MAP7D1: variants seen among roughly 807,000 people sequenced by gnomAD.
MAP7D1 encodes the protein MAP7 domain-containing protein 1.
MAP7D1 carries 30 observed loss-of-function variants against 97.5 expected under a neutral mutation model. The observed-to-expected ratio is 0.31, with a 90% CI of 0.23 to 0.42. MAP7D1 has a LOEUF of 0.42. MAP7D1 is among the 10% of genes least tolerant of loss of function. The probability of loss-of-function intolerance (pLI) is 1.00; values close to 1 mark genes in which losing one functional copy is unlikely to be tolerated. For missense variants in MAP7D1, 1,184 were observed against 1,179.5 expected, an observed-to-expected ratio of 1.00 and a Z score of -0.06; for synonymous variants, 536 against 477.1, an observed-to-expected ratio of 1.12 and a Z score of -1.61.
At position 36,179,045 on chromosome 1, in the gene MAP7D1, GA is replaced by G; in HGVS notation, c.2130+21del. ...AGAAAGGTGTGCGGACCTGGGCGGG[GA>G]TTTGTGGGCGGGGCCTGGGCAGGGC... On this transcript the variant is annotated intron_variant, in intron 12 of 16. Coordinates refer to ENST00000474796, the MANE Select transcript of MAP7D1 (RefSeq NM_001388490.1). 1.6e-6 allele frequency: 1 copy of G among 622,736 alleles called. No individual in the cohort carries two copies. The highest frequency in any genetic ancestry group is 2.7e-6 in the Non-Finnish European group (1 of 368,230). The allele number at this position is 622,736 out of a possible 1,614,324, so 38.6% of individuals were successfully genotyped here. A position where few individuals can be genotyped will look rare whatever the true frequency, so the allele number is the denominator to read the frequency against.
At chr1:36,160,516 T>A (rs1273885575) in intron 1 of MAP7D1, among the ~76,000 whole-genome samples, 1 of 152,256 alleles carries the variant, frequency 6.6e-6, no homozygotes, top group Non-Finnish European at 1.5e-5. Flanking sequence ...TTGTCTCATT[T>A]GTTCCTCACC....
intron 1 of MAP7D1, among the ~76,000 whole-genome samples, chr1:36,170,254 C>T (rs1644522679): frequency 6.6e-6 from 1 of 152,186 alleles, no homozygotes; most frequent in African/African-American, 2.4e-5. Flanking sequence ...AGGATTCCTA[C>T]AATAGTCATG....
intron 1 of MAP7D1, among the ~76,000 whole-genome samples, chr1:36,170,600 C>A (rs1644528176): frequency 6.6e-6 from 1 of 152,240 alleles, no homozygotes; most frequent in African/African-American, 2.4e-5. Context: ...TCTGCCAACA[C>A]CTCTCCTCCT....
chr1:36,157,415 C>G (rs778221957), intron 1 of MAP7D1: 2 of 152,274 alleles, frequency 1.3e-5, no homozygotes, highest in Non-Finnish European at 2.9e-5. Flanking sequence ...ACCAAAGCTC[C>G]CCTCCCCTCC....
At position 36,176,201 on chromosome 1, in the gene MAP7D1, C is replaced by G; in HGVS notation, c.853C>G (p.Arg285Gly). The change falls in exon 7 of 17, where the codon CGC (arginine) becomes GGC (glycine). Residue 285 changes from arginine to glycine, a missense_variant and splice_region_variant. By Grantham distance (125) the Arg-to-Gly change is moderately radical (BLOSUM62 -2). Coordinates refer to ENST00000474796, the MANE Select transcript of MAP7D1 (RefSeq NM_001388490.1). The surrounding 1 kb of genome is among the most constrained non-coding windows in gnomAD (Gnocchi z 6.1). ...TTCGCCTGGCCTTCTACCCCCAGATCGCAGCCTGCAGCTGAGCGCATGGGA... is the reference window on the plus strand; with the variant it reads ...TTCGCCTGGCCTTCTACCCCCAGATGGCAGCCTGCAGCTGAGCGCATGGGA... ...ATLWNSPSRN[R>G]SLQLSAWESS... 4.4e-6 allele frequency: 7 copies of G among 1,606,294 alleles called. No homozygotes were observed. Among genetic ancestry groups the G allele is most frequent in the Non-Finnish European group, 5.9e-6 (7 of 1,178,822 alleles).
chr1:36,169,116 G>A (rs990943653), intron 1 of MAP7D1, among the ~76,000 whole-genome samples: 2 of 152,092 alleles, frequency 1.3e-5, no homozygotes, highest in Non-Finnish European at 2.9e-5. Context: ...GCTGGGCGTG[G>A]TGGCAGGTGC....
intron 1 of MAP7D1, among the ~76,000 whole-genome samples, chr1:36,163,214 G>C (rs1644435208): frequency 6.6e-6 from 1 of 152,134 alleles, no homozygotes; most frequent in South Asian, 2.1e-4. Context: ...TAGGAAGACA[G>C]GACTTTTTGA....
Position 36,171,046 on chromosome 1 carries a change from C to T in MAP7D1, c.122C>T (p.Ser41Leu). The change falls in exon 2 of 17, where the codon TCA (serine) becomes TTA (leucine). Residue 41 changes from serine (S) to leucine (L), a missense_variant. Coordinates refer to ENST00000474796, the MANE Select transcript of MAP7D1 (RefSeq NM_001388490.1). The part of the protein sequence containing the change: ...GDPSPPPPPM[S>L]ALVPDTPPDT... ...CCTTCCCCCCCACCACCACCAATGT[C>T]AGCCCTGGTCCCCGACACTCCCCCG... 1 of 1,452,138 alleles carries T rather than the reference C, an allele frequency of 6.9e-7. No individual in the cohort carries two copies. Among genetic ancestry groups the T allele is most frequent in the Non-Finnish European group, 9.3e-7 (1 of 1,075,908 alleles). The allele number at this position is 1,452,138 out of a possible 1,614,324, so 90.0% of individuals were successfully genotyped here.
Position 36,179,028 on chromosome 1 carries a change from G to T in MAP7D1, c.2130+3G>T. 1 of 1,552,018 alleles carries T rather than the reference G, an allele frequency of 6.4e-7. No individual in the cohort carries two copies. The highest frequency in any genetic ancestry group is 8.7e-7 in the Non-Finnish European group (1 of 1,147,858). ...AAGAGCGGCAAGAGCGCAGAAAGGT[G>T]TGCGGACCTGGGCGGGGATTTGTGG... is the stretch of plus-strand genomic sequence containing the variant. On this transcript the variant is annotated splice_donor_region_variant and intron_variant, in intron 12 of 16. Coordinates refer to ENST00000474796, the MANE Select transcript of MAP7D1 (RefSeq NM_001388490.1).
chr1:36,179,359 G>A (rs755546589), intron 13 of MAP7D1, 44 bp downstream of exon 13: 19 of 1,609,756 alleles, frequency 1.2e-5, no homozygotes, highest in Non-Finnish European at 1.4e-5. Context: ...GGGGGGCAGG[G>A]TGTGAAAAGG....
chr1:36,168,103 T>G (rs748656103), intron 1 of MAP7D1, among the ~76,000 whole-genome samples: 7 of 152,112 alleles, frequency 4.6e-5, no homozygotes, highest in Non-Finnish European at 7.3e-5. Flanking sequence ...GAGACCAGCC[T>G]GGCCAACATG....
At position 36,180,468 on chromosome 1, in the gene MAP7D1, G is replaced by C. The variant is rs954503493; in HGVS notation, c.*210G>C. 1 of 641,792 alleles carries C rather than the reference G, an allele frequency of 1.6e-6. No individual in the cohort carries two copies. The highest frequency in any genetic ancestry group is 2.8e-6 in the Non-Finnish European group (1 of 363,374). The allele number at this position is 641,792 out of a possible 1,614,324, so 39.8% of individuals were successfully genotyped here. On this transcript the variant is annotated 3_prime_UTR_variant, in exon 17 of 17. Coordinates refer to ENST00000474796, the MANE Select transcript of MAP7D1 (RefSeq NM_001388490.1). ...CCTCAGTGCATTCGTGTGCTCGCAC[G>C]CGCAGACATCCCTTCTCCCCCATAC... is the stretch of plus-strand genomic sequence containing the variant.
At chr1:36,160,908 T>TG (rs1276883699) in intron 1 of MAP7D1, among the ~76,000 whole-genome samples, 6 of 152,182 alleles carry the variant, frequency 3.9e-5, no homozygotes, top group Admixed American at 6.5e-5. Context: ...ATAGTCCAGC[T>TG]GGGGGGGCAT....
At chr1:36,180,171 C>A in intron 16 of MAP7D1, 77 bp from the exon 17 acceptor site, 1 of 1,610,882 alleles carries the variant, frequency 6.2e-7, no homozygotes, top group Non-Finnish European at 8.5e-7. Flanking sequence ...CCCTCTCCTG[C>A]TCCACCCTGA....
At chr1:36,175,306 AC>A (rs1351216374) in intron 6 of MAP7D1, among the ~76,000 whole-genome samples, 1 of 152,208 alleles carries the variant, frequency 6.6e-6, no homozygotes, top group Non-Finnish European at 1.5e-5. Flanking sequence ...GGGGGTGGGG[AC>A]AGGCAGGCAG....
rs1362711332 is a variant in MAP7D1, at chr1:36,174,989, C to G, written c.831C>G (p.Leu277=). ...NKRLSKSSAT[L]WNSPSRNRSL... ...GGCTCTCAAAGTCCTCTGCCACGCT[C>G]TGGAACTCCCCCAGTAGAAGTAAGA... Residue 277 remains leucine, a synonymous_variant, in exon 6 of 17, where the codon CTC becomes CTG. Coordinates refer to ENST00000474796, the MANE Select transcript of MAP7D1 (RefSeq NM_001388490.1). The G allele has an allele frequency of 6.2e-7, 1 of 1,613,542 alleles. No individual in the cohort carries two copies. The highest frequency in any genetic ancestry group is 8.5e-7 in the Non-Finnish European group (1 of 1,179,492).
rs1445492001 is a variant in MAP7D1, at chr1:36,178,589, A to G, written c.1879A>G (p.Arg627Gly). The change falls in exon 10 of 17, where the codon AGG becomes GGG. Residue 627 changes from arginine (R) to glycine (G), a missense_variant. Physicochemically the swap from Arg to Gly is moderately radical, Grantham distance 125. Coordinates refer to ENST00000474796, the MANE Select transcript of MAP7D1 (RefSeq NM_001388490.1). Reference protein sequence around the residue: ...EEQERRLQAERDKRMREEQLA... With the variant: ...EEQERRLQAEGDKRMREEQLA... Reference sequence around the variant, plus strand: ...GCAGGAGCGGAGGCTGCAGGCAGAAAGGGACAAGTGAGTGCGCCTCGGGGA... The same window carrying G: ...GCAGGAGCGGAGGCTGCAGGCAGAAGGGGACAAGTGAGTGCGCCTCGGGGA... 6.3e-7 allele frequency: 1 copy of G among 1,581,278 alleles called. No individual in the cohort carries two copies. Among genetic ancestry groups the G allele is most frequent in the Non-Finnish European group, 8.6e-7 (1 of 1,166,372 alleles).
At position 36,159,321 on chromosome 1, in the gene MAP7D1, G is replaced by T. The variant is rs560507010; in HGVS notation, c.46+2858G>T. Among the ~76,000 whole-genome samples the T allele has an allele frequency of 6.6e-6, 1 of 152,292 alleles. No individual in the cohort carries two copies. Among genetic ancestry groups the T allele is most frequent in the Admixed American group, 6.5e-5 (1 of 15,294 alleles). On this transcript the variant is annotated intron_variant, in intron 1 of 16. Coordinates refer to ENST00000474796, the MANE Select transcript of MAP7D1 (RefSeq NM_001388490.1). This position sits in a 1 kb window ranked among gnomAD's most constrained non-coding sequence, Gnocchi z 5.4. ...TCTTCCCACCTTGGCCTCCCAAAGC[G>T]CTGGGATTACAGGCGTGAGCCACCA... is the stretch of plus-strand genomic sequence containing the variant.
chr1:36,179,434 G>A, intron 13 of MAP7D1, 81 bp from the exon 14 acceptor site: 1 of 1,571,560 alleles, frequency 6.4e-7, no homozygotes, highest in South Asian at 1.1e-5. Flanking sequence ...TGCGGCCCGG[G>A]CAAGGGGAGG....
Sources: allele counts gnomAD v4.1 joint callset (sites outside exome capture counted in the v4.1 genomes callset), GRCh38; gene constraint gnomAD v4.1.1; non-coding constraint Gnocchi (gnomAD v3.1); transcripts MANE v1.5; gene names NCBI Gene and HGNC (gene_info 2026-07-23, HGNC 2026-07-21).